The following CIMAP2 variants were observed in gnomAD, a reference collection of about 807,000 sequenced individuals.
CIMAP2 encodes the protein ciliary microtubule associated protein 2, also known as ciliary microtubule-associated protein 2.
the CIMAP2 span, among the ~76,000 whole-genome samples, chr1:54,821,194 C>T: frequency 7.3e-6 from 1 of 137,270 alleles, no homozygotes; most frequent in African/African-American, 2.8e-5. Context: ...TCTCTTCACT[C>T]TATTGATTCT....
At chr1:54,823,988 T>G in the CIMAP2 span, among the ~76,000 whole-genome samples, 11 of 152,164 alleles carry the variant, frequency 7.2e-5, no homozygotes, top group Non-Finnish European at 1.3e-4. Context: ...TGAATAATCA[T>G]CCTATGCTCT....
chr1:54,808,559 G>T, the CIMAP2 span, among the ~76,000 whole-genome samples: 1 of 150,958 alleles, frequency 6.6e-6, no homozygotes. Context: ...GAAGGGCTGG[G>T]TCATGAGGGC....
At chr1:54,825,980 G>A in the CIMAP2 span, among the ~76,000 whole-genome samples, 6 of 152,192 alleles carry the variant, frequency 3.9e-5, no homozygotes, top group Non-Finnish European at 8.8e-5. Flanking sequence ...ACTAGTCTAC[G>A]CCAAGGTCCC....
the CIMAP2 span, among the ~76,000 whole-genome samples, chr1:54,833,795 C>A: frequency 2.6e-5 from 4 of 152,114 alleles, no homozygotes; most frequent in African/African-American, 9.7e-5. Context: ...TGACCCACTC[C>A]CTTTGTCTTC....
the CIMAP2 span, among the ~76,000 whole-genome samples, chr1:54,808,896 T>C: frequency 3.6e-5 from 1 of 28,160 alleles, no homozygotes; most frequent in African/African-American, 1.1e-4. Flanking sequence ...CAGCCCCTCA[T>C]ATAGGCCATG....
At chr1:54,833,820 T>C in the CIMAP2 span, among the ~76,000 whole-genome samples, 90,634 of 151,754 alleles carry the variant, frequency 0.6, 27,935 homozygotes, top group South Asian at 0.73. Context: ...CATTGTGACA[T>C]TGGCCACCCT....
the CIMAP2 span, among the ~76,000 whole-genome samples, chr1:54,806,453 C>A: frequency 2.4e-3 from 366 of 152,318 alleles, 1 homozygote; most frequent in Middle Eastern, 6.8e-3. Flanking sequence ...TAAGTGAGTT[C>A]TTTAAAACCA....
At chr1:54,811,765 G>GCCGGGGGGGGGGGGGCGCC in the CIMAP2 span, 1 of 1,301,332 alleles carries the variant, frequency 7.7e-7, no homozygotes. Flanking sequence ...GGTTCTGACA[G>GCCGGGGGGGGGGGGGCGCC]CCTCCATGCC....
the CIMAP2 span, chr1:54,841,910 G>C: frequency 5.8e-6 from 9 of 1,538,944 alleles, no homozygotes; most frequent in Non-Finnish European, 7.9e-6. Flanking sequence ...TGACCAGAGA[G>C]CCCAAAGGCC....
chr1:54,821,000 C>T, the CIMAP2 span, among the ~76,000 whole-genome samples: 4 of 151,954 alleles, frequency 2.6e-5, no homozygotes, highest in East Asian at 7.8e-4. Flanking sequence ...AACTCCTGAC[C>T]TCAGGTGATC....
the CIMAP2 span, among the ~76,000 whole-genome samples, chr1:54,828,661 A>T: frequency 0.035 from 5,225 of 150,596 alleles, 123 homozygotes; most frequent in Middle Eastern, 0.091. Context: ...TTTTTTTTTT[A>T]TTTATTTTAT....
chr1:54,818,876 AG>A, the CIMAP2 span, among the ~76,000 whole-genome samples: 3 of 152,174 alleles, frequency 2.0e-5, no homozygotes, highest in African/African-American at 7.2e-5. Flanking sequence ...TACAGGTGTG[AG>A]CCACTGCGGC....
the CIMAP2 span, among the ~76,000 whole-genome samples, chr1:54,836,699 C>T: frequency 3.3e-5 from 5 of 152,000 alleles, no homozygotes; most frequent in African/African-American, 1.2e-4. Flanking sequence ...GCAGAAATGC[C>T]CATGTCTACC....
At chr1:54,814,393 G>A in the CIMAP2 span, among the ~76,000 whole-genome samples, 8 of 152,206 alleles carry the variant, frequency 5.3e-5, no homozygotes, top group Non-Finnish European at 8.8e-5. Flanking sequence ...AGGGAGTGGT[G>A]CACTCGGCCC....
chr1:54,841,967 C>A, the CIMAP2 span: 1 of 1,312,892 alleles, frequency 7.6e-7, no homozygotes, highest in Non-Finnish European at 1.1e-6. Flanking sequence ...AGTGGGGTGT[C>A]TTAGAGAAAG....
At chr1:54,835,860 T>C in the CIMAP2 span, among the ~76,000 whole-genome samples, 3 of 152,064 alleles carry the variant, frequency 2.0e-5, no homozygotes, top group Admixed American at 6.5e-5. Flanking sequence ...TTGCCCACTC[T>C]TTCCCCCGAA....
the CIMAP2 span, among the ~76,000 whole-genome samples, chr1:54,820,989 G>A: frequency 2.0e-5 from 3 of 151,724 alleles, no homozygotes; most frequent in Non-Finnish European, 4.4e-5. Flanking sequence ...GGCTGGTCTT[G>A]AACTCCTGAC....
the CIMAP2 span, among the ~76,000 whole-genome samples, chr1:54,813,659 G>T: frequency 1.3e-5 from 1 of 77,538 alleles, no homozygotes; most frequent in African/African-American, 5.5e-5. Flanking sequence ...TGTCAGGGGG[G>T]CCTTGAGGCT....
At chr1:54,821,063 C>T in the CIMAP2 span, among the ~76,000 whole-genome samples, 1 of 152,242 alleles carries the variant, frequency 6.6e-6, no homozygotes, top group South Asian at 2.1e-4. Flanking sequence ...GCCACAGCAC[C>T]CAGCCTGCCC....
Sources: gnomAD v4.1 joint callset for allele counts (sites outside exome capture counted in the v4.1 genomes callset) on GRCh38, gnomAD v4.1.1 for gene constraint, MANE v1.5 for transcripts, NCBI Gene and HGNC (gene_info 2026-07-23, HGNC 2026-07-21) for gene names.